Variants in FGF14 observed in about 807,000 individuals in gnomAD.
FGF14 encodes the protein fibroblast growth factor 14, also known as fibroblast growth factor homologous factor 4.
Under a neutral mutation model 25.5 loss-of-function variants are expected in FGF14, and 5 were observed. The ratio of observed to expected loss-of-function variants is 0.20; its 90% CI spans 0.10 to 0.41. FGF14 has a LOEUF of 0.41. Ranked by LOEUF, FGF14 falls within the 10% of genes least tolerant of loss-of-function variation. FGF14 has a pLI of 1.00. For missense variants in FGF14, 222 were observed against 320.1 expected, an observed-to-expected ratio of 0.69 and a Z score of 2.34; for synonymous variants, 138 against 118.3, an observed-to-expected ratio of 1.17 and a Z score of -1.08.
chr13:101,754,991 C>T (rs1161062317), intron 3 of FGF14, among the ~76,000 whole-genome samples: 2 of 152,062 alleles, frequency 1.3e-5, no homozygotes, highest in Admixed American at 1.3e-4. Context: ...ACTTATACGG[C>T]ATATCAACAT....
At chr13:102,268,345 A>G (rs1416118282) in intron 1 of FGF14, among the ~76,000 whole-genome samples, 1 of 152,190 alleles carries the variant, frequency 6.6e-6, no homozygotes, top group African/African-American at 2.4e-5. Flanking sequence ...AACAATAAGG[A>G]AGATCTAAAA....
At chr13:101,873,659 A>G (rs1442757951) in intron 2 of FGF14, among the ~76,000 whole-genome samples, 1 of 152,134 alleles carries the variant, frequency 6.6e-6, no homozygotes, top group African/African-American at 2.4e-5. Context: ...TAAGGGGAAA[A>G]GAAACTGAGC....
chr13:102,322,384 C>A (rs2056277826), intron 1 of FGF14, among the ~76,000 whole-genome samples: 1 of 152,058 alleles, frequency 6.6e-6, no homozygotes, highest in Non-Finnish European at 1.5e-5. Context: ...ACCTATTAGG[C>A]CTGTCTGTCA....
At chr13:101,725,733 TTGTAGATC>T (rs1318142503) in intron 4 of FGF14, among the ~76,000 whole-genome samples, 1 of 151,810 alleles carries the variant, frequency 6.6e-6, no homozygotes, top group Admixed American at 6.6e-5. Flanking sequence ...TACTGAGTTA[TTGTAGATC>T]TGATCTTCTG....
chr13:101,788,874 A>C (rs1457390844), intron 3 of FGF14, among the ~76,000 whole-genome samples: 2 of 18,348 alleles, frequency 1.1e-4, no homozygotes, highest in African/African-American at 1.5e-4. Context: ...TTTTTTGACT[A>C]TATATATATA....
intron 3 of FGF14, among the ~76,000 whole-genome samples, chr13:101,855,903 G>GT (rs11446357): frequency 0.41 from 59,838 of 147,438 alleles, 15,155 homozygotes; most frequent in African/African-American, 0.72. Flanking sequence ...ATTCCTACAA[G>GT]TTTTTTTTTT....
At chr13:101,936,324 G>C (rs1408559653) in intron 1 of FGF14, among the ~76,000 whole-genome samples, 1 of 152,184 alleles carries the variant, frequency 6.6e-6, no homozygotes, top group African/African-American at 2.4e-5. Context: ...GAAGCGCTGA[G>C]TTTTGAGGGA....
chr13:101,998,781 G>A (rs775557707), intron 1 of FGF14, among the ~76,000 whole-genome samples: 1 of 152,168 alleles, frequency 6.6e-6, no homozygotes, highest in African/African-American at 2.4e-5. Context: ...ATGCCATCTC[G>A]GCTGTGTGGC....
chr13:102,382,607 A>C (rs1224166187), intron 1 of FGF14, among the ~76,000 whole-genome samples: 1 of 152,164 alleles, frequency 6.6e-6, no homozygotes, highest in Non-Finnish European at 1.5e-5. Context: ...TTACCTAGTA[A>C]TTCCATTGCT....
At chr13:102,047,493 G>GCA (rs1180096434) in intron 1 of FGF14, among the ~76,000 whole-genome samples, 4 of 152,142 alleles carry the variant, frequency 2.6e-5, no homozygotes, top group African/African-American at 9.7e-5. Context: ...GGAATACTAT[G>GCA]CAGCCATAAA....
intron 1 of FGF14, among the ~76,000 whole-genome samples, chr13:102,071,552 CT>C: frequency 6.6e-6 from 1 of 152,174 alleles, no homozygotes; most frequent in South Asian, 2.1e-4. Context: ...AAAATCTTTC[CT>C]TCAAAAGCAA....
At chr13:101,835,533 CT>C (rs979057721) in intron 3 of FGF14, among the ~76,000 whole-genome samples, 7 of 151,878 alleles carry the variant, frequency 4.6e-5, no homozygotes, top group South Asian at 2.1e-4. Context: ...ATCGATATGA[CT>C]TTTTTTGATA....
At chr13:102,315,946 A>T (rs1317559892) in intron 1 of FGF14, among the ~76,000 whole-genome samples, 3 of 152,222 alleles carry the variant, frequency 2.0e-5, no homozygotes, top group African/African-American at 4.8e-5. Flanking sequence ...AGCACTGCAA[A>T]AAAGCAGAAA....
intron 1 of FGF14, among the ~76,000 whole-genome samples, chr13:102,244,157 T>G (rs757483524): frequency 4.6e-5 from 7 of 152,086 alleles, no homozygotes; most frequent in Admixed American, 6.6e-5. Flanking sequence ...CCTGTAAAAT[T>G]TAAACTGGTA....
At chr13:101,793,210 CCT>C (rs1174991933) in intron 3 of FGF14, among the ~76,000 whole-genome samples, 4 of 152,172 alleles carry the variant, frequency 2.6e-5, no homozygotes, top group African/African-American at 9.6e-5. Context: ...CACCATCTAC[CCT>C]CTGTTTTCAT....
intron 1 of FGF14, among the ~76,000 whole-genome samples, chr13:102,128,055 A>AGTG (rs142286097): frequency 0.05 from 7,588 of 152,218 alleles, 378 homozygotes; most frequent in East Asian, 0.2. Context: ...ACAGAGAGGC[A>AGTG]GTGGGTTCAG....
intron 1 of FGF14, among the ~76,000 whole-genome samples, chr13:102,283,300 C>T (rs557178918): frequency 5.3e-4 from 81 of 152,272 alleles, no homozygotes; most frequent in African/African-American, 1.9e-3. Flanking sequence ...CCTTTAGCGA[C>T]ATGATCTTAT....
intron 1 of FGF14, among the ~76,000 whole-genome samples, chr13:102,288,730 G>A (rs1027307252): frequency 1.3e-5 from 2 of 151,974 alleles, no homozygotes; most frequent in Admixed American, 6.6e-5. Context: ...GGTTACAGGC[G>A]CCTGCCACAA....
chr13:101,822,123 C>G (rs2042184029), intron 3 of FGF14, among the ~76,000 whole-genome samples: 1 of 151,948 alleles, frequency 6.6e-6, no homozygotes, highest in Non-Finnish European at 1.5e-5. Context: ...TTTTAGAAAC[C>G]TTTTCTTTGC....
Sources: allele counts gnomAD v4.1 joint callset (sites outside exome capture counted in the v4.1 genomes callset), GRCh38; gene constraint gnomAD v4.1.1; transcripts MANE v1.5; gene names NCBI Gene and HGNC (gene_info 2026-07-23, HGNC 2026-07-21).